Variants in DPYSL5 observed in about 807,000 individuals in gnomAD.
DPYSL5 encodes dihydropyrimidinase-related protein 5.
In DPYSL5, 9 loss-of-function variants were observed where a neutral mutation model predicts 58.4. The observed-to-expected ratio is 0.15, with a 90% CI of 0.09 to 0.27. DPYSL5 has a LOEUF of 0.27. Among genes scored for constraint, DPYSL5 ranks in the 10% least tolerant of loss-of-function variants. DPYSL5 has a pLI of 1.00. For missense variants in DPYSL5, 499 were observed against 770.6 expected (o/e 0.65, Z 4.17); for synonymous variants, 293 against 301.9 (o/e 0.97, Z 0.31).
chr2:26,854,764 A>G (rs1196643595), intron 1 of DPYSL5, among the ~76,000 whole-genome samples: 1 of 152,142 alleles, frequency 6.6e-6, no homozygotes, highest in Non-Finnish European at 1.5e-5. Context: ...AGGATTTTCC[A>G]GCTACTGAGA....
chr2:26,890,281 G>T (rs977443754), intron 1 of DPYSL5, among the ~76,000 whole-genome samples: 1 of 152,196 alleles, frequency 6.6e-6, no homozygotes, highest in Admixed American at 6.5e-5. Flanking sequence ...AGGGCCTGTG[G>T]TTTTTTCAGA....
intron 2 of DPYSL5, among the ~76,000 whole-genome samples, chr2:26,902,808 C>A (rs780833520): frequency 6.6e-6 from 1 of 152,164 alleles, no homozygotes; most frequent in Non-Finnish European, 1.5e-5. Flanking sequence ...AAGAAGCCGG[C>A]CAGGTCCCAC....
At chr2:26,896,842 G>C (rs1664034907) in intron 1 of DPYSL5, among the ~76,000 whole-genome samples, 1 of 152,154 alleles carries the variant, frequency 6.6e-6, no homozygotes, top group South Asian at 2.1e-4. Context: ...TCTTCACTCT[G>C]TTGATTGTTT....
intron 2 of DPYSL5, among the ~76,000 whole-genome samples, chr2:26,899,218 T>A (rs1664092557): frequency 6.6e-6 from 1 of 152,170 alleles, no homozygotes; most frequent in East Asian, 1.9e-4. Flanking sequence ...CTAGCTTGCT[T>A]GTTATTTTTA....
intron 2 of DPYSL5, among the ~76,000 whole-genome samples, chr2:26,915,307 C>T (rs1664535324): frequency 1.3e-5 from 2 of 152,250 alleles, no homozygotes; most frequent in African/African-American, 4.8e-5. Flanking sequence ...CTCAGGGACA[C>T]AGCCAGAAAC....
At chr2:26,937,343 C>T (rs1236292074) in intron 8 of DPYSL5, among the ~76,000 whole-genome samples, 3 of 151,946 alleles carry the variant, frequency 2.0e-5, no homozygotes, top group Non-Finnish European at 4.4e-5. Context: ...TTAATCAGTG[C>T]ATATTGTAAA....
At chr2:26,869,686 C>G (rs553420369) in intron 1 of DPYSL5, among the ~76,000 whole-genome samples, 2 of 152,236 alleles carry the variant, frequency 1.3e-5, no homozygotes, top group African/African-American at 2.4e-5. Context: ...TATCTTACCA[C>G]TTTTCTTAGG....
intron 2 of DPYSL5, among the ~76,000 whole-genome samples, chr2:26,900,157 GAC>G (rs1664119818): frequency 6.6e-6 from 1 of 152,176 alleles, no homozygotes; most frequent in Non-Finnish European, 1.5e-5. Flanking sequence ...CCCAAGTCAA[GAC>G]ACCAAACTTT....
At chr2:26,946,395 T>A (rs1463023755) in intron 12 of DPYSL5, among the ~76,000 whole-genome samples, 1 of 151,948 alleles carries the variant, frequency 6.6e-6, no homozygotes, top group Non-Finnish European at 1.5e-5. Flanking sequence ...TTCCCTCCCT[T>A]TGTGTTTTGT....
At chr2:26,938,850 C>G (rs1378888419) in intron 8 of DPYSL5, 1 of 152,388 alleles carries the variant, frequency 6.6e-6, no homozygotes. Flanking sequence ...CCTCCCCCAC[C>G]TGACTCCCCT....
intron 1 of DPYSL5, among the ~76,000 whole-genome samples, chr2:26,881,234 C>T (rs1572684743): frequency 1.3e-5 from 2 of 152,282 alleles, no homozygotes; most frequent in East Asian, 3.9e-4. Context: ...CCATTCATTT[C>T]CCTCTAAAAC....
At chr2:26,939,922 A>G (rs1385789094) in intron 8 of DPYSL5, 109 bp from the exon 9 acceptor site, 1 of 1,442,526 alleles carries the variant, frequency 6.9e-7, no homozygotes, top group Admixed American at 1.8e-5. Context: ...CTGAAATTGG[A>G]GTCGGCTTTG....
At chr2:26,932,707 A>C (rs760952197) in intron 6 of DPYSL5, among the ~76,000 whole-genome samples, 12 of 152,168 alleles carry the variant, frequency 7.9e-5, no homozygotes, top group Non-Finnish European at 1.5e-4. Flanking sequence ...AGCTTAGTAG[A>C]GAAAAAGCTA....
chr2:26,910,428 G>A (rs760201774), intron 2 of DPYSL5, among the ~76,000 whole-genome samples: 1 of 152,054 alleles, frequency 6.6e-6, no homozygotes, highest in South Asian at 2.1e-4. Context: ...GTGTGTAGTG[G>A]TATCTCAGTG....
chr2:26,888,130 T>C (rs1446672719), intron 1 of DPYSL5, among the ~76,000 whole-genome samples: 2 of 152,246 alleles, frequency 1.3e-5, no homozygotes, highest in Non-Finnish European at 2.9e-5. Flanking sequence ...GTAAACTTAA[T>C]AGTCTATGCA....
rs1198261440 is a variant in DPYSL5 at position 26,898,968 on chromosome 2, G to T, written c.261+208G>T. ...TGATTATAGAAAAGGAGGCGTTTAG[G>T]CTGGTTTTGCTAATCAGATCATTTA... is the stretch of plus-strand genomic sequence containing the variant. On this transcript the variant is annotated intron_variant, in intron 2 of 12. Coordinates refer to ENST00000288699, the MANE Select transcript of DPYSL5 (RefSeq NM_020134.4). This position sits in a 1 kb window ranked among gnomAD's most constrained non-coding sequence, Gnocchi z 6.1. Among the ~76,000 whole-genome samples, 1 of 152,194 alleles carries T rather than the reference G, an allele frequency of 6.6e-6. No homozygotes were observed. Among genetic ancestry groups the T allele is most frequent in the East Asian group, 1.9e-4 (1 of 5,196 alleles).
chr2:26,932,173 A>C (rs13423492), intron 6 of DPYSL5, among the ~76,000 whole-genome samples: 798 of 72,114 alleles, frequency 0.011, 13 homozygotes, highest in South Asian at 0.016. Context: ...GAAAGAAAGA[A>C]AGAAAGAAAG....
rs1553323305 is a variant in DPYSL5, at chr2:26,947,602, C to CA, written c.*607_*608insA. 1.3e-5 allele frequency: 2 copies of CA among 152,568 alleles called. No individual in the cohort carries two copies. The highest frequency in any genetic ancestry group is 2.9e-5 in the Non-Finnish European group (2 of 68,092). The allele number at this position is 152,568 out of a possible 1,614,324, so 9.5% of individuals were successfully genotyped here. Reference sequence around the variant, plus strand: ...TTCTCCTGCGCCCCGCCCACACCCTCGGGGGGTCACAGGCCCAGAAGGGTA... The same window carrying CA: ...TTCTCCTGCGCCCCGCCCACACCCTCAGGGGGGTCACAGGCCCAGAAGGGTA... On this transcript the variant is annotated 3_prime_UTR_variant, in exon 13 of 13. Transcript: ENST00000288699. This position sits in a 1 kb window ranked among gnomAD's most constrained non-coding sequence, Gnocchi z 4.2.
At chr2:26,936,945 T>TAAAAAAAAAAAAAAAAAAAAAAAA (rs55795892) in intron 8 of DPYSL5, among the ~76,000 whole-genome samples, 7 of 77,886 alleles carry the variant, frequency 9.0e-5, no homozygotes, top group African/African-American at 2.0e-4. Context: ...AGACTTCATT[T>TAAAAAAAAAAAAAAAAAAAAAAAA]AAAAAAAAAA....
Sources: allele counts gnomAD v4.1 joint callset (sites outside exome capture counted in the v4.1 genomes callset), GRCh38; gene constraint gnomAD v4.1.1; non-coding constraint Gnocchi (gnomAD v3.1); transcripts MANE v1.5; gene names NCBI Gene and HGNC (gene_info 2026-07-23, HGNC 2026-07-21).